The following BPI variants were observed in gnomAD, a reference collection of about 807,000 sequenced individuals.
BPI encodes bactericidal permeability-increasing protein.
A neutral mutation model predicts 57.6 loss-of-function variants in BPI; 48 were observed. The ratio of observed to expected loss-of-function variants is 0.83; its 90% CI spans 0.66 to 1.06. The LOEUF is 1.06. Ranked by LOEUF, BPI falls within the 50% of genes least tolerant of loss-of-function variation. The pLI is 0.00. For missense variants in BPI, 651 were observed against 609.7 expected (o/e 1.07, Z -0.71); for synonymous variants, 237 against 238.2 (o/e 0.99, Z 0.05).
rs1400813955 is a variant in BPI at position 38,323,878 on chromosome 20, T to A, written c.765T>A (p.Phe255Leu). 4 of 1,614,028 alleles carry A rather than the reference T, an allele frequency of 2.5e-6. No individual in the cohort carries two copies. In the South Asian group the frequency reaches 4.4e-5, roughly 18 times the overall value. ...ETLDVQMKGE[F>L]YSENHHNPPP... Reference sequence around the variant, plus strand: ...GTTGCCTCTACCCCCAGGGGGAGTTTTACAGTGAGAACCACCACAATCCAC... The same window carrying A: ...GTTGCCTCTACCCCCAGGGGGAGTTATACAGTGAGAACCACCACAATCCAC... Residue 255 changes from phenylalanine (F) to leucine (L), a missense_variant, in exon 8 of 15, where the codon TTT becomes TTA. Phe to Leu is a conservative substitution (Grantham distance 22, BLOSUM62 0). Coordinates refer to ENST00000642449, the MANE Select transcript of BPI (RefSeq NM_001725.3).
chr20:38,326,306 C>T lies in BPI; in HGVS notation c.1035C>T (p.Val345=), dbSNP rs1171674765. The T allele has an allele frequency of 6.2e-7, 1 of 1,613,968 alleles. No individual in the cohort carries two copies. The highest frequency in any genetic ancestry group is 1.1e-5 in the South Asian group (1 of 91,048). The change falls in exon 10 of 15, where the codon GTC becomes GTT. Residue 345 remains valine, a synonymous_variant. Transcript: ENST00000642449. ...CCAACATGAAGATACAGATCCATGTCTCAGCCTCCACCCCGCCACACCTGT... is the reference window on the plus strand; with the variant it reads ...CCAACATGAAGATACAGATCCATGTTTCAGCCTCCACCCCGCCACACCTGT... ...KFPNMKIQIH[V]SASTPPHLSV...
At chr20:38,318,033 T>A in intron 5 of BPI, 1 of 984,754 alleles carries the variant, frequency 1.0e-6, no homozygotes, top group Non-Finnish European at 1.2e-6. Context: ...ATTGACTACC[T>A]CGTATTTGTT....
chr20:38,321,405 T>C (rs1568815020), intron 7 of BPI, among the ~76,000 whole-genome samples: 2 of 152,064 alleles, frequency 1.3e-5, no homozygotes, highest in Non-Finnish European at 2.9e-5. Context: ...AAGCTTCCTC[T>C]CACCTCAGGG....
chr20:38,335,345 C>T (rs765776034), intron 13 of BPI: 5 of 560,494 alleles, frequency 8.9e-6, no homozygotes, highest in Non-Finnish European at 1.6e-5. Context: ...AGCAGTGCTG[C>T]ACCCTCAGGA....
At chr20:38,327,788 G>T (rs761105970) in intron 11 of BPI, 133 bp downstream of exon 11, 9 of 1,062,326 alleles carry the variant, frequency 8.5e-6, no homozygotes, top group Admixed American at 2.1e-5. Context: ...AAACCTCAAA[G>T]AGTGTGCGAT....
intron 7 of BPI, among the ~76,000 whole-genome samples, chr20:38,320,478 C>G (rs964236561): frequency 1.3e-5 from 2 of 152,036 alleles, no homozygotes; most frequent in Non-Finnish European, 2.9e-5. Context: ...TGCCCCACCC[C>G]CCTCCAAAGG....
At chr20:38,320,912 T>A (rs2122530584) in intron 7 of BPI, among the ~76,000 whole-genome samples, 1 of 132,576 alleles carries the variant, frequency 7.5e-6, no homozygotes. Flanking sequence ...GATGGATGGG[T>A]AGGTGGGTAG....
chr20:38,312,808 A>G (rs1432281885), intron 5 of BPI, among the ~76,000 whole-genome samples: 5 of 152,256 alleles, frequency 3.3e-5, no homozygotes, highest in Non-Finnish European at 7.3e-5. Context: ...ATCTATCTGA[A>G]GATACTGTGT....
At chr20:38,314,508 A>ATGG (rs1413488901) in intron 5 of BPI, among the ~76,000 whole-genome samples, 2 of 138,252 alleles carry the variant, frequency 1.4e-5, no homozygotes, top group Non-Finnish European at 3.1e-5. Context: ...GGGGATGATG[A>ATGG]TGGTGACGGT....
At position 38,304,171 on chromosome 20, in the gene BPI, G is replaced by C; in HGVS notation, c.-53G>C. 7 of 1,611,472 alleles carry C rather than the reference G, an allele frequency of 4.3e-6. No individual in the cohort carries two copies. The highest frequency in any genetic ancestry group is 5.1e-6 in the Non-Finnish European group (6 of 1,178,230). On this transcript the variant is annotated 5_prime_UTR_variant, in exon 1 of 15. Coordinates refer to ENST00000642449, the MANE Select transcript of BPI (RefSeq NM_001725.3). ...CCAGCCGACTCTTTTATAGCTCCCT[G>C]GTTCAACCTCAAGGCCTTGAGGTTT...
At chr20:38,310,697 G>T (rs375623075) in intron 4 of BPI, 45 bp downstream of exon 4, 3 of 1,586,882 alleles carry the variant, frequency 1.9e-6, no homozygotes, top group Non-Finnish European at 2.6e-6. Context: ...ACTTAAAGAA[G>T]AACTCTCCCA....
chr20:38,330,319 G>C (rs1244750642), intron 11 of BPI, among the ~76,000 whole-genome samples: 1 of 152,174 alleles, frequency 6.6e-6, no homozygotes, highest in East Asian at 1.9e-4. Flanking sequence ...TGATCTCTGA[G>C]TATGTTTCCT....
intron 5 of BPI, 41 bp from the exon 6 acceptor site, chr20:38,318,372 T>A (rs1337026724): frequency 6.3e-7 from 1 of 1,575,956 alleles, no homozygotes; most frequent in Non-Finnish European, 8.7e-7. Flanking sequence ...CATTTTTCAC[T>A]ATGGGAAGAC....
At chr20:38,321,435 C>A (rs1249841468) in intron 7 of BPI, among the ~76,000 whole-genome samples, 1 of 152,066 alleles carries the variant, frequency 6.6e-6, no homozygotes, top group African/African-American at 2.4e-5. Context: ...TAGCTGTTCC[C>A]CCTGCCTGGT....
intron 5 of BPI, among the ~76,000 whole-genome samples, chr20:38,312,562 T>C (rs1428022074): frequency 6.6e-6 from 1 of 152,128 alleles, no homozygotes; most frequent in Non-Finnish European, 1.5e-5. Flanking sequence ...AAGCAAAGAG[T>C]TTTGCCTCTC....
In BPI at chr20:38,309,042, G is replaced by A. The variant is rs570447254; in HGVS notation, c.358G>A (p.Ala120Thr). ...TATCAAGATCAGCGGGAAATGGAAG[G>A]CACAAAAGAGATTCTTGTGCGTTTC... Reference protein sequence around the residue: ...ANIKISGKWKAQKRFLKMSGN... With the variant: ...ANIKISGKWKTQKRFLKMSGN... Residue 120 changes from alanine (A) to threonine (T), a missense_variant, in exon 3 of 15, where the codon GCA (alanine) becomes ACA (threonine). By Grantham distance (58) the Ala-to-Thr change is moderately conservative. Coordinates refer to ENST00000642449, the MANE Select transcript of BPI (RefSeq NM_001725.3). The A allele has an allele frequency of 1.2e-4, 201 of 1,614,156 alleles. 4 individuals carry two copies. The South Asian group carries it at 2.1e-3, about 17-fold the overall frequency.
At chr20:38,311,177 A>G (rs1013133618) in intron 4 of BPI, among the ~76,000 whole-genome samples, 1 of 152,234 alleles carries the variant, frequency 6.6e-6, no homozygotes, top group Admixed American at 6.5e-5. Context: ...TTCTGGGGAG[A>G]AAACCAAGGC....
chr20:38,331,579 C>T (rs1452288847), intron 12 of BPI, among the ~76,000 whole-genome samples: 4 of 152,220 alleles, frequency 2.6e-5, no homozygotes, highest in Admixed American at 6.5e-5. Context: ...CATGGTGGCT[C>T]ATGTCCATAA....
intron 11 of BPI, among the ~76,000 whole-genome samples, chr20:38,328,074 T>C (rs1035962912): frequency 3.4e-4 from 52 of 152,112 alleles, no homozygotes; most frequent in African/African-American, 1.2e-3. Context: ...TCTCACCCCA[T>C]CCTTGGGACT....
Sources: allele counts gnomAD v4.1 joint callset (sites outside exome capture counted in the v4.1 genomes callset), GRCh38; gene constraint gnomAD v4.1.1; transcripts MANE v1.5; gene names NCBI Gene and HGNC (gene_info 2026-07-23, HGNC 2026-07-21).